The following EXOC4 variants were observed in gnomAD, a reference collection of about 807,000 sequenced individuals.
The protein encoded by EXOC4 is SEC8-like 1.
In EXOC4, 71 loss-of-function variants were observed where a neutral mutation model predicts 107.2. The observed-to-expected ratio is 0.66, with a 90% confidence interval of 0.55 to 0.81. The LOEUF (loss-of-function observed/expected upper bound fraction) is 0.81. EXOC4 is among the 30% of genes least tolerant of loss of function. EXOC4 has a pLI of 0.00. For synonymous variants in EXOC4, 456 were observed against 441.2 expected, an observed-to-expected ratio of 1.03 and a Z score of -0.42; for missense variants, 1,108 against 1,189.6, an observed-to-expected ratio of 0.93 and a Z score of 1.01.
At chr7:133,708,560 G>A (rs1794817687) in intron 10 of EXOC4, among the ~76,000 whole-genome samples, 2 of 152,196 alleles carry the variant, frequency 1.3e-5, no homozygotes, top group Non-Finnish European at 2.9e-5. Flanking sequence ...GTTAAATTCT[G>A]ATGAGAGAGA....
At chr7:133,659,699 T>C (rs1803393058) in intron 10 of EXOC4, among the ~76,000 whole-genome samples, 1 of 152,140 alleles carries the variant, frequency 6.6e-6, no homozygotes, top group Non-Finnish European at 1.5e-5. Flanking sequence ...TTAGGTGATT[T>C]CTATACATAT....
chr7:133,462,320 T>G (rs972420), intron 7 of EXOC4, among the ~76,000 whole-genome samples: 73,456 of 151,946 alleles, frequency 0.48, 18,161 homozygotes, highest in East Asian at 0.6. Context: ...GATATTGACC[T>G]TTAGCTAGAA....
chr7:133,788,321 A>G (rs1796631113), intron 10 of EXOC4, among the ~76,000 whole-genome samples: 1 of 151,590 alleles, frequency 6.6e-6, no homozygotes, highest in African/African-American at 2.4e-5. Context: ...TCTACTGCCC[A>G]TTTCATGTCT....
chr7:133,978,111 A>G (rs1204906584), intron 14 of EXOC4, among the ~76,000 whole-genome samples: 3 of 152,236 alleles, frequency 2.0e-5, no homozygotes, highest in Non-Finnish European at 4.4e-5. Context: ...ACCCAGGTTC[A>G]AATGAGGCAA....
intron 2 of EXOC4, 82 bp downstream of exon 2, chr7:133,275,253 G>A (rs533798792): frequency 8.7e-6 from 10 of 1,149,664 alleles, no homozygotes; most frequent in Admixed American, 2.9e-5. Flanking sequence ...CATGGTAGTG[G>A]CTAATGGTCC....
At chr7:133,575,618 G>A (rs1483727049) in intron 9 of EXOC4, among the ~76,000 whole-genome samples, 1 of 152,212 alleles carries the variant, frequency 6.6e-6, no homozygotes, top group Non-Finnish European at 1.5e-5. Context: ...AAGAGAACCA[G>A]TTCTGGTAAT....
At chr7:133,914,628 TAAAAAATAAA>T (rs1432016681) in intron 12 of EXOC4, among the ~76,000 whole-genome samples, 3 of 112,354 alleles carry the variant, frequency 2.7e-5, no homozygotes, top group Non-Finnish European at 1.8e-5. Context: ...AAGCCAAAAA[TAAAAAATAAA>T]AAAAAAGGAA....
chr7:133,857,354 T>C lies in EXOC4; in HGVS notation c.1735-38245T>C, dbSNP rs367945235. On this transcript the variant is annotated intron_variant, in intron 11 of 17. Transcript: ENST00000253861. Reference sequence around the variant, plus strand: ...ATATATATATATATATATATATATATATATATATATATTTTACCTCTACTT... The same window carrying C: ...ATATATATATATATATATATATATACATATATATATATTTTACCTCTACTT... 7.4e-4 allele frequency among the ~76,000 whole-genome samples: 36 copies of C among 48,874 alleles called. 6 individuals carry two copies. The highest frequency in any genetic ancestry group is 4.0e-3 in the South Asian group (4 of 1,004). The allele number at this position is 48,874 out of a possible 152,430, so 32.1% of individuals were successfully genotyped here.
At chr7:134,003,648 A>G (rs542448523) in intron 15 of EXOC4, among the ~76,000 whole-genome samples, 58 of 152,246 alleles carry the variant, frequency 3.8e-4, no homozygotes, top group African/African-American at 1.3e-3. Flanking sequence ...ATGCAAGGTC[A>G]GACAGAGCAC....
At chr7:134,054,539 A>G (rs1175293683) in intron 17 of EXOC4, among the ~76,000 whole-genome samples, 3 of 151,602 alleles carry the variant, frequency 2.0e-5, no homozygotes, top group Non-Finnish European at 4.4e-5. Context: ...CCCTTTCACC[A>G]CTCTGTATCT....
chr7:134,064,517 A>G lies in EXOC4; in HGVS notation c.2914A>G (p.Thr972Ala). 3 of 1,598,082 alleles carry G rather than the reference A, an allele frequency of 1.9e-6. No individual in the cohort carries two copies. The highest frequency in any genetic ancestry group is 2.6e-6 in the Non-Finnish European group (3 of 1,171,974). ...GCAAGCCACCAAGGACAAGAAGATA[A>G]CTACCGTTTAGCAGGGCGTACTGCG... Reference protein sequence around the residue: ...IKQATKDKKITTV With the variant: ...IKQATKDKKIATV Residue 972 changes from threonine to alanine, a missense_variant, in exon 18 of 18, where the codon ACT becomes GCT. By Grantham distance (58) the Thr-to-Ala change is moderately conservative. Transcript: ENST00000253861.
intron 9 of EXOC4, among the ~76,000 whole-genome samples, chr7:133,589,638 T>A (rs1801492820): frequency 6.6e-6 from 1 of 152,178 alleles, no homozygotes. Flanking sequence ...GTCAGGAGTG[T>A]AGGTAAGCTG....
At chr7:134,071,828 T>G in the EXOC4 span, among the ~76,000 whole-genome samples, 2 of 152,142 alleles carry the variant, frequency 1.3e-5, no homozygotes, top group Admixed American at 6.5e-5. Context: ...CCCCCCTCTG[T>G]GCTATTTTGA....
intron 10 of EXOC4, among the ~76,000 whole-genome samples, chr7:133,659,329 A>G (rs770013017): frequency 1.1e-4 from 17 of 152,202 alleles, no homozygotes; most frequent in Middle Eastern, 3.4e-3. Context: ...AACTATGGTG[A>G]CAGTTGTCTG....
At chr7:133,335,196 A>C (rs1410042781) in intron 5 of EXOC4, among the ~76,000 whole-genome samples, 2 of 152,178 alleles carry the variant, frequency 1.3e-5, no homozygotes, top group Non-Finnish European at 2.9e-5. Flanking sequence ...ATAGCTTAAA[A>C]ATTTTTTTTA....
intron 5 of EXOC4, among the ~76,000 whole-genome samples, chr7:133,323,793 TC>T (rs1795171267): frequency 6.6e-6 from 1 of 152,208 alleles, no homozygotes; most frequent in African/African-American, 2.4e-5. Context: ...TGGTACCAGC[TC>T]CTCCTTGTAC....
At chr7:133,562,480 T>C (rs1194254143) in intron 9 of EXOC4, among the ~76,000 whole-genome samples, 2 of 152,218 alleles carry the variant, frequency 1.3e-5, no homozygotes, top group African/African-American at 4.8e-5. Flanking sequence ...TCCAGACTTG[T>C]CATTTTTATT....
intron 10 of EXOC4, among the ~76,000 whole-genome samples, chr7:133,783,727 A>G (rs1796512931): frequency 6.6e-6 from 1 of 152,234 alleles, no homozygotes; most frequent in African/African-American, 2.4e-5. Context: ...ACTCACAAAG[A>G]TAGATCAGTT....
intron 13 of EXOC4, among the ~76,000 whole-genome samples, chr7:133,932,995 A>G (rs1800215582): frequency 6.6e-6 from 1 of 152,034 alleles, no homozygotes; most frequent in Non-Finnish European, 1.5e-5. Context: ...AATCCCTGAA[A>G]CCTTTTGTAA....
Sources: allele counts gnomAD v4.1 joint callset (sites outside exome capture counted in the v4.1 genomes callset), GRCh38; gene constraint gnomAD v4.1.1; transcripts MANE v1.5; gene names NCBI Gene and HGNC (gene_info 2026-07-23, HGNC 2026-07-21).